Variants in CNTNAP2 observed in about 807,000 individuals in gnomAD.
CNTNAP2 encodes contactin associated protein 2, also known as contactin-associated protein-like 2.
In CNTNAP2, 98 loss-of-function variants were observed where a neutral mutation model predicts 155.2. That is an observed-to-expected ratio of 0.63 (90% CI 0.54 to 0.75). The LOEUF is 0.75. Ranked by LOEUF, CNTNAP2 falls within the 30% of genes least tolerant of loss-of-function variation. CNTNAP2 has a pLI of 0.00. For missense variants in CNTNAP2, 1,727 were observed against 1,688.1 expected (o/e 1.02, Z -0.40); for synonymous variants, 651 against 631.2 (o/e 1.03, Z -0.47).
Position 146,995,539 on chromosome 7 carries a change from G to A in CNTNAP2, c.403-48368G>A, listed in dbSNP as rs147872564. Among the ~76,000 whole-genome samples, 607 of 152,148 alleles carry A rather than the reference G, an allele frequency of 4.0e-3. 3 individuals carry two copies. The highest frequency in any genetic ancestry group is 0.014 in the African/African-American group (577 of 41,548). Reference sequence around the variant, plus strand: ...TGATAATAGCCATTCTAACAGGAGTGACATAATATCTCATTTTGGTTTTGA... The same window carrying A: ...TGATAATAGCCATTCTAACAGGAGTAACATAATATCTCATTTTGGTTTTGA... On this transcript the variant is annotated intron_variant, in intron 3 of 23. Transcript: ENST00000361727.
chr7:146,439,670 T>C (rs2129119042), intron 1 of CNTNAP2, among the ~76,000 whole-genome samples: 1 of 151,726 alleles, frequency 6.6e-6, no homozygotes, highest in East Asian at 1.9e-4. Flanking sequence ...ATTTTTTCCT[T>C]ATTTTCATAT....
intron 20 of CNTNAP2, among the ~76,000 whole-genome samples, chr7:148,234,356 C>G (rs34022566): frequency 2.0e-5 from 3 of 152,004 alleles, no homozygotes; most frequent in African/African-American, 7.2e-5. Context: ...AGTGATGTTA[C>G]TGTTATTACC....
intron 12 of CNTNAP2, among the ~76,000 whole-genome samples, chr7:147,581,759 A>AAC (rs1329667230): frequency 2.6e-5 from 4 of 152,170 alleles, no homozygotes; most frequent in Non-Finnish European, 4.4e-5. Context: ...TCTGAAATAA[A>AAC]ACAACAACAA....
chr7:147,562,382 C>T (rs767209155), intron 12 of CNTNAP2, 125 bp downstream of exon 12: 1 of 1,227,970 alleles, frequency 8.1e-7, no homozygotes, highest in African/African-American at 1.5e-5. Flanking sequence ...CAACATATTG[C>T]TGGATTTGTT....
intron 1 of CNTNAP2, among the ~76,000 whole-genome samples, chr7:146,239,760 C>A (rs978629192): frequency 2.0e-5 from 3 of 152,118 alleles, no homozygotes; most frequent in African/African-American, 7.2e-5. Context: ...TATGAATGCA[C>A]CTTGTAAATA....
intron 15 of CNTNAP2, among the ~76,000 whole-genome samples, chr7:148,026,552 C>A (rs1802379345): frequency 6.6e-6 from 1 of 152,166 alleles, no homozygotes; most frequent in Non-Finnish European, 1.5e-5. Context: ...TTATAATGAG[C>A]ACTGAATTTG....
intron 11 of CNTNAP2, among the ~76,000 whole-genome samples, chr7:147,501,216 A>G (rs1182044525): frequency 6.6e-6 from 1 of 151,718 alleles, no homozygotes; most frequent in Non-Finnish European, 1.5e-5. Flanking sequence ...CAAACTAGAT[A>G]CAGAAGGAAC....
intron 1 of CNTNAP2, among the ~76,000 whole-genome samples, chr7:146,132,117 AG>A (rs1272875109): frequency 6.6e-6 from 1 of 152,202 alleles, no homozygotes; most frequent in African/African-American, 2.4e-5. Flanking sequence ...AAACTCATGC[AG>A]TATCTGTATC....
At position 148,415,782 on chromosome 7, in the gene CNTNAP2, A is replaced by C. The variant is rs534520270; in HGVS notation, c.*166A>C. ...TGGAATATTCTTGAGACTGATCACA[A>C]AAAAAAAAACCTTTTTAATATTTCT... On this transcript the variant is annotated 3_prime_UTR_variant, in exon 24 of 24. Transcript: ENST00000361727. The C allele has an allele frequency of 1.1e-3, 787 of 712,532 alleles. 1 individual carries two copies. Among genetic ancestry groups the C allele is most frequent in the Admixed American group, 1.7e-3 (59 of 33,868 alleles). 44.1% of individuals were successfully genotyped at this position (712,532 alleles called of 1,614,324 possible).
chr7:146,439,085 C>T (rs759558695), intron 1 of CNTNAP2, among the ~76,000 whole-genome samples: 3 of 151,480 alleles, frequency 2.0e-5, no homozygotes, highest in African/African-American at 2.4e-5. Flanking sequence ...AAAAAAGTAC[C>T]GCCACAGGTG....
intron 21 of CNTNAP2, among the ~76,000 whole-genome samples, chr7:148,304,468 T>G (rs1425534997): frequency 1.3e-5 from 2 of 152,234 alleles, no homozygotes; most frequent in Non-Finnish European, 2.9e-5. Flanking sequence ...TCTAAATATA[T>G]TCACCTGCTA....
intron 1 of CNTNAP2, among the ~76,000 whole-genome samples, chr7:146,670,278 T>C (rs559440928): frequency 2.3e-4 from 35 of 152,280 alleles, no homozygotes; most frequent in African/African-American, 8.2e-4. Context: ...TGAATATCAC[T>C]TGTAGACATA....
chr7:147,328,851 A>G (rs1479842), intron 9 of CNTNAP2, among the ~76,000 whole-genome samples: 85,268 of 151,936 alleles, frequency 0.56, 24,252 homozygotes, highest in African/African-American at 0.61. Context: ...GGAGAGACAC[A>G]GTAACTTTAC....
chr7:147,114,079 G>A (rs1800937359), intron 5 of CNTNAP2, among the ~76,000 whole-genome samples: 1 of 152,152 alleles, frequency 6.6e-6, no homozygotes, highest in South Asian at 2.1e-4. Flanking sequence ...TTACCCAAGA[G>A]TCACTAAGGA....
Position 147,043,983 on chromosome 7 carries a change from G to T in CNTNAP2, c.479G>T (p.Arg160Leu), listed in dbSNP as rs138738227. The change falls in exon 4 of 24, where the codon CGC becomes CTC. Residue 160 changes from arginine (R) to leucine (L), a missense_variant. Arg to Leu is a moderately radical substitution (Grantham distance 102). Transcript: ENST00000361727. ...LQHPIIARYVRIVPLDWNGEG... is the reference protein window; with the variant it reads ...LQHPIIARYVLIVPLDWNGEG... ...CATCCGATTATTGCCCGCTATGTGCGCATAGTGCCTCTGGATTGGAATGGA... is the reference window on the plus strand; with the variant it reads ...CATCCGATTATTGCCCGCTATGTGCTCATAGTGCCTCTGGATTGGAATGGA... 2 of 1,614,166 alleles carry T rather than the reference G, an allele frequency of 1.2e-6. No homozygotes were observed. Among genetic ancestry groups the T allele is most frequent in the South Asian group, 2.2e-5 (2 of 91,092 alleles).
chr7:147,173,014 TA>T (rs1802263654), intron 8 of CNTNAP2, among the ~76,000 whole-genome samples: 2 of 152,166 alleles, frequency 1.3e-5, no homozygotes, highest in Non-Finnish European at 2.9e-5. Flanking sequence ...ACACACAGGC[TA>T]TAATTTGATG....
At chr7:146,516,152 C>T (rs769215617) in intron 1 of CNTNAP2, among the ~76,000 whole-genome samples, 3 of 151,772 alleles carry the variant, frequency 2.0e-5, no homozygotes, top group Admixed American at 6.6e-5. Flanking sequence ...TGGTTAGAGG[C>T]GCAGACAAAG....
At chr7:146,920,973 T>G (rs1018439511) in intron 3 of CNTNAP2, among the ~76,000 whole-genome samples, 1 of 152,152 alleles carries the variant, frequency 6.6e-6, no homozygotes, top group South Asian at 2.1e-4. Context: ...TAATAAATGG[T>G]AGGGCATATT....
chr7:146,444,718 CATG>C (rs1327232441), intron 1 of CNTNAP2, among the ~76,000 whole-genome samples: 1 of 150,146 alleles, frequency 6.7e-6, no homozygotes, highest in African/African-American at 2.5e-5. Context: ...GGTGCAGTGG[CATG>C]ATCTCGGCTC....
Sources: allele counts gnomAD v4.1 joint callset (sites outside exome capture counted in the v4.1 genomes callset), GRCh38; gene constraint gnomAD v4.1.1; transcripts MANE v1.5; gene names NCBI Gene and HGNC (gene_info 2026-07-23, HGNC 2026-07-21).